HAGH: variants seen among roughly 807,000 people sequenced by gnomAD.
The protein encoded by HAGH is hydroxyacylglutathione hydrolase, also known as hydroxyacylglutathione hydrolase, mitochondrial.
Under a neutral mutation model 35.1 loss-of-function variants are expected in HAGH, and 29 were observed. The ratio of observed to expected loss-of-function variants is 0.83; its 90% CI spans 0.62 to 1.13. HAGH has a LOEUF of 1.13. Ranked by LOEUF, HAGH falls within the 50% of genes most tolerant of loss-of-function variation. HAGH has a pLI of 0.00. For missense variants in HAGH, 478 were observed against 419.6 expected (o/e 1.14, Z -1.22); for synonymous variants, 225 against 176.1 (o/e 1.28, Z -2.20).
intron 5 of HAGH, among the ~76,000 whole-genome samples, chr16:1,817,926 C>G (rs1047957278): frequency 2.0e-5 from 3 of 151,574 alleles, no homozygotes; most frequent in Non-Finnish European, 4.4e-5. Context: ...GCACCCAGCA[C>G]AGTGGAGGCC....
intron 1 of HAGH, among the ~76,000 whole-genome samples, chr16:1,824,851 T>C (rs1316473345): frequency 2.0e-5 from 3 of 152,144 alleles, no homozygotes. Context: ...AGCAGCTTCC[T>C]GTGTTATTCC....
intron 1 of HAGH, among the ~76,000 whole-genome samples, chr16:1,825,660 A>G (rs1173648532): frequency 2.0e-5 from 3 of 151,984 alleles, no homozygotes; most frequent in Non-Finnish European, 2.9e-5. Context: ...TGCAGCCTCG[A>G]CCTCCTGGAC....
At chr16:1,812,808 C>G (rs972676537) in intron 7 of HAGH, among the ~76,000 whole-genome samples, 17 of 152,326 alleles carry the variant, frequency 1.1e-4, no homozygotes, top group African/African-American at 3.8e-4. Context: ...GGGAGGCGCC[C>G]TGCAGGAGGC....
chr16:1,826,850 G>T, upstream of HAGH: 3 of 1,058,276 alleles, frequency 2.8e-6, no homozygotes, highest in Non-Finnish European at 3.7e-6. Flanking sequence ...TCGGCGCGTC[G>T]CAGCCAATCA....
intron 1 of HAGH, 152 bp from the exon 2 acceptor site, chr16:1,823,189 T>TAA: frequency 1.5e-6 from 1 of 663,806 alleles, no homozygotes; most frequent in Non-Finnish European, 2.6e-6. Flanking sequence ...CCCAGCGCTT[T>TAA]AAGAGACTGA....
chr16:1,816,238 TTA>T (rs1224450253), intron 7 of HAGH, among the ~76,000 whole-genome samples: 1 of 151,112 alleles, frequency 6.6e-6, no homozygotes, highest in Non-Finnish European at 1.5e-5. Context: ...AGATGAGTAT[TTA>T]TGATTCATCT....
Position 1,808,737 on chromosome 16 carries a change from T to G in HAGH, c.*546A>C, listed in dbSNP as rs1897498569. 1 of 152,472 alleles carries G rather than the reference T, an allele frequency of 6.6e-6. No homozygotes were observed. The highest frequency in any genetic ancestry group is 2.4e-5 in the African/African-American group (1 of 41,416). The allele number at this position is 152,472 out of a possible 1,614,324, so 9.4% of individuals were successfully genotyped here. On this transcript the variant is annotated 3_prime_UTR_variant, in exon 9 of 9. Transcript: ENST00000397356. ...TCCCGGGGTCACAGGCCGAGAGCAC[T>G]CCCCAGCTGGCTGCTTCCCCAGAGG...
chr16:1,824,306 C>T (rs1012345896), intron 1 of HAGH, among the ~76,000 whole-genome samples: 7 of 143,820 alleles, frequency 4.9e-5, no homozygotes, highest in African/African-American at 1.3e-4. Flanking sequence ...TCCTTTGAGA[C>T]GGAAAGTTGG....
rs1000886231 is a variant in HAGH at position 1,819,873 on chromosome 16, G to A, written c.432+24C>T. The A allele has an allele frequency of 1.7e-5, 24 of 1,438,782 alleles. No homozygotes were observed. The Admixed American group carries it at 2.7e-4, about 16-fold the overall frequency. 89.1% of individuals were successfully genotyped at this position (1,438,782 alleles called of 1,614,324 possible). On this transcript the variant is annotated intron_variant, in intron 4 of 8. Coordinates refer to ENST00000397356, the MANE Select transcript of HAGH (RefSeq NM_005326.6). ...ACGCTCCTGACAGGGCCACGCTGGA[G>A]CACCTCCAGGGCTCACTCCTTACCT...
intron 5 of HAGH, chr16:1,818,799 C>T (rs1898018867): frequency 2.8e-6 from 1 of 355,884 alleles, no homozygotes; most frequent in Non-Finnish European, 5.3e-6. Flanking sequence ...AGGAACACAG[C>T]CCCAGGGCTG....
intron 1 of HAGH, among the ~76,000 whole-genome samples, chr16:1,824,525 A>G (rs1267183707): frequency 6.6e-6 from 1 of 151,932 alleles, no homozygotes; most frequent in Admixed American, 6.6e-5. Context: ...GGGCCCCGAC[A>G]ATACCTTCAG....
intron 1 of HAGH, 85 bp from the exon 2 acceptor site, chr16:1,823,122 T>C (rs1352413250): frequency 8.4e-7 from 1 of 1,196,908 alleles, no homozygotes; most frequent in East Asian, 2.3e-5. Context: ...TCCCAGCCTT[T>C]CTAGGTTCCT....
intron 5 of HAGH, chr16:1,818,793 A>C: frequency 3.1e-6 from 1 of 323,626 alleles, no homozygotes. Context: ...GCATCAAGGA[A>C]CACAGCCCCA....
chr16:1,812,026 T>C (rs1229659149), intron 7 of HAGH, among the ~76,000 whole-genome samples: 1 of 151,654 alleles, frequency 6.6e-6, no homozygotes, highest in Non-Finnish European at 1.5e-5. Context: ...ACCCCCTCTC[T>C]ACCAAAAATA....
In HAGH at chr16:1,809,385, G is replaced by A. The variant is rs1319263301; in HGVS notation, c.828-3C>T. ...CGTGCTGCTGCACCGTCTTCTCCCT[G>A]CGGAGGCCAGCACCGGGCTGCAGGC... On this transcript the variant is annotated splice_polypyrimidine_tract_variant and splice_region_variant and intron_variant, in intron 8 of 8. Coordinates refer to ENST00000397356, the MANE Select transcript of HAGH (RefSeq NM_005326.6). 2 of 1,606,744 alleles carry A rather than the reference G, an allele frequency of 1.2e-6. No individual in the cohort carries two copies. The highest frequency in any genetic ancestry group is 1.7e-6 in the Non-Finnish European group (2 of 1,178,346).
At chr16:1,827,186 G>T, upstream of HAGH, 2 of 1,560,330 alleles carry the variant, frequency 1.3e-6, no homozygotes, top group South Asian at 2.3e-5. Context: ...GATGCCGTAG[G>T]CATCAGCTGA....
At chr16:1,821,025 G>C (rs1898131034) in intron 3 of HAGH, among the ~76,000 whole-genome samples, 1 of 152,204 alleles carries the variant, frequency 6.6e-6, no homozygotes, top group Non-Finnish European at 1.5e-5. Context: ...AGCAAGCTGT[G>C]ATGTGCCAGG....
chr16:1,814,689 G>A (rs1446236744), intron 7 of HAGH, among the ~76,000 whole-genome samples: 1 of 151,900 alleles, frequency 6.6e-6, no homozygotes, highest in South Asian at 2.1e-4. Flanking sequence ...CACGAGGTCA[G>A]GAGATCGAGA....
intron 1 of HAGH, among the ~76,000 whole-genome samples, chr16:1,823,545 G>A (rs1012219703): frequency 1.3e-5 from 2 of 151,728 alleles, no homozygotes; most frequent in African/African-American, 4.8e-5. Context: ...GGGATGACAG[G>A]TGTGAGCCAC....
Sources: gnomAD v4.1 joint callset for allele counts (sites outside exome capture counted in the v4.1 genomes callset) on GRCh38, gnomAD v4.1.1 for gene constraint, MANE v1.5 for transcripts, NCBI Gene and HGNC (gene_info 2026-07-23, HGNC 2026-07-21) for gene names.